MET: variants seen among roughly 807,000 people sequenced by gnomAD.
MET encodes MET proto-oncogene, receptor tyrosine kinase.
In MET, 48 loss-of-function variants were observed where a neutral mutation model predicts 133.1. The observed-to-expected ratio is 0.36, with a 90% CI of 0.29 to 0.46. The LOEUF (loss-of-function observed/expected upper bound fraction) is 0.46, where lower values mean the gene tolerates loss of function less well. Among genes scored for constraint, MET ranks in the 20% least tolerant of loss-of-function variants. The pLI is 1.00. For synonymous variants in MET, 628 were observed against 616.5 expected, an observed-to-expected ratio of 1.02 and a Z score of -0.28; for missense variants, 1,442 against 1,695.9, an observed-to-expected ratio of 0.85 and a Z score of 2.63.
At chr7:116,791,930 A>G (rs576032137) in intron 19 of MET, among the ~76,000 whole-genome samples, 17 of 152,380 alleles carry the variant, frequency 1.1e-4, no homozygotes, top group Admixed American at 7.8e-4. Flanking sequence ...CTGGGATCAC[A>G]GGCATGAGCC....
chr7:116,769,620 CCTT>C, intron 11 of MET, 22 bp from the exon 12 acceptor site: 1 of 1,542,476 alleles, frequency 6.5e-7, no homozygotes, highest in South Asian at 1.1e-5. Flanking sequence ...GTGTTAACAA[CCTT>C]TTTTTTTTTT....
intron 1 of MET, among the ~76,000 whole-genome samples, chr7:116,678,403 A>T (rs1323903784): frequency 6.6e-6 from 1 of 150,888 alleles, no homozygotes; most frequent in Non-Finnish European, 1.5e-5. Flanking sequence ...GGCAGCACCT[A>T]GACTCTCAGG....
intron 19 of MET, among the ~76,000 whole-genome samples, chr7:116,794,193 A>AT (rs1370748602): frequency 2.2e-4 from 33 of 152,220 alleles, no homozygotes; most frequent in African/African-American, 7.7e-4. Context: ...AACCCTGTTC[A>AT]TTCAGCCCTG....
chr7:116,765,651 G>A (rs1305071497), intron 11 of MET, among the ~76,000 whole-genome samples: 3 of 152,190 alleles, frequency 2.0e-5, no homozygotes, highest in Admixed American at 2.0e-4. Flanking sequence ...GTCGTAGACA[G>A]TGGTCATCAA....
intron 11 of MET, among the ~76,000 whole-genome samples, chr7:116,764,682 A>C (rs574532537): frequency 1.3e-5 from 2 of 152,242 alleles, no homozygotes; most frequent in South Asian, 2.1e-4. Context: ...ACCAAGAAAA[A>C]CATAATTTGG....
intron 2 of MET, among the ~76,000 whole-genome samples, chr7:116,703,557 C>T (rs1380660880): frequency 3.3e-5 from 5 of 151,984 alleles, no homozygotes; most frequent in African/African-American, 9.7e-5. Flanking sequence ...AGAAAAAACC[C>T]TCATCTCTAT....
intron 5 of MET, among the ~76,000 whole-genome samples, chr7:116,743,207 A>C (rs1338995167): frequency 6.6e-6 from 1 of 152,224 alleles, no homozygotes; most frequent in Non-Finnish European, 1.5e-5. Context: ...TCCGGCCCAG[A>C]TACTACACTT....
chr7:116,793,744 C>T (rs1795586613), intron 19 of MET, among the ~76,000 whole-genome samples: 1 of 151,830 alleles, frequency 6.6e-6, no homozygotes, highest in Non-Finnish European at 1.5e-5. Context: ...ACTAAAAATA[C>T]AAAAATTAGC....
At chr7:116,678,518 G>A (rs144325759) in intron 1 of MET, among the ~76,000 whole-genome samples, 1 of 152,224 alleles carries the variant, frequency 6.6e-6, no homozygotes, top group African/African-American at 2.4e-5. Context: ...TATTAAAAAT[G>A]TAAAGAAAGA....
intron 10 of MET, 128 bp from the exon 11 acceptor site, chr7:116,762,922 A>G (rs1794451136): frequency 8.9e-6 from 7 of 790,540 alleles, no homozygotes; most frequent in Non-Finnish European, 1.5e-5. Flanking sequence ...GTCTAACATT[A>G]GGAAGTTAAA....
intron 1 of MET, among the ~76,000 whole-genome samples, chr7:116,695,507 T>C (rs1459745698): frequency 3.3e-5 from 5 of 152,118 alleles, no homozygotes; most frequent in Non-Finnish European, 2.9e-5. Context: ...CAGAGGTGGG[T>C]GATTGCCTGG....
In MET at chr7:116,777,481, T is replaced by C; in HGVS notation, c.3340+12T>C. ...GAAATCCTTGAACAGTAAGTGGCATTTTATTTAACCATGGAGTATACTTTT... is the reference window on the plus strand; with the variant it reads ...GAAATCCTTGAACAGTAAGTGGCATCTTATTTAACCATGGAGTATACTTTT... On this transcript the variant is annotated intron_variant, in intron 16 of 20. Coordinates refer to ENST00000397752, the MANE Select transcript of MET (RefSeq NM_000245.4). 1 of 1,612,944 alleles carries C rather than the reference T, an allele frequency of 6.2e-7. No individual in the cohort carries two copies.
chr7:116,792,707 G>A (rs777414377), intron 19 of MET, among the ~76,000 whole-genome samples: 19 of 152,004 alleles, frequency 1.2e-4, no homozygotes, highest in African/African-American at 3.4e-4. Context: ...TATTGCCCAC[G>A]TCCTTTAATT....
intron 1 of MET, among the ~76,000 whole-genome samples, chr7:116,693,119 T>C (rs141660864): frequency 3.7e-4 from 56 of 152,300 alleles, no homozygotes; most frequent in Non-Finnish European, 6.5e-4. Flanking sequence ...GTTACATAGA[T>C]GAGGAAGTGA....
At chr7:116,753,535 A>G (rs578103472) in intron 5 of MET, among the ~76,000 whole-genome samples, 1 of 152,360 alleles carries the variant, frequency 6.6e-6, no homozygotes, top group East Asian at 1.9e-4. Context: ...ATCCATTGAT[A>G]ACATACCAGA....
intron 1 of MET, among the ~76,000 whole-genome samples, chr7:116,677,941 G>A (rs1796215806): frequency 6.6e-6 from 1 of 151,936 alleles, no homozygotes; most frequent in Non-Finnish European, 1.5e-5. Context: ...TCTGATTCAG[G>A]ATAAACTCCC....
At chr7:116,689,905 T>C (rs947766576) in intron 1 of MET, among the ~76,000 whole-genome samples, 3 of 152,038 alleles carry the variant, frequency 2.0e-5, no homozygotes, top group African/African-American at 7.2e-5. Flanking sequence ...TTCCTATTTG[T>C]TTTTACTTCT....
chr7:116,773,294 G>A (rs1035481584), intron 14 of MET, among the ~76,000 whole-genome samples: 1 of 152,194 alleles, frequency 6.6e-6, no homozygotes, highest in African/African-American at 2.4e-5. Context: ...TCTACATCTG[G>A]TGGGGACAGC....
intron 5 of MET, among the ~76,000 whole-genome samples, chr7:116,743,983 T>G (rs1332371053): frequency 1.3e-5 from 2 of 151,952 alleles, no homozygotes; most frequent in Admixed American, 6.5e-5. Context: ...CAGAAAGCAA[T>G]AGCATTAACA....
Sources: allele counts gnomAD v4.1 joint callset (sites outside exome capture counted in the v4.1 genomes callset), GRCh38; gene constraint gnomAD v4.1.1; transcripts MANE v1.5; gene names NCBI Gene and HGNC (gene_info 2026-07-23, HGNC 2026-07-21).